The following KCNIP4 variants were observed in gnomAD, a reference collection of about 807,000 sequenced individuals.
KCNIP4 encodes the protein potassium voltage-gated channel interacting protein 4, also known as Kv channel-interacting protein 4.
In KCNIP4, 12 loss-of-function variants were observed where a neutral mutation model predicts 34.0. The observed-to-expected ratio is 0.35, with a 90% CI of 0.23 to 0.57. The LOEUF is 0.57. Ranked by LOEUF, KCNIP4 falls within the 20% of genes least tolerant of loss-of-function variation. The pLI, the probability that KCNIP4 is intolerant of heterozygous loss-of-function variation, is 0.83. For synonymous variants in KCNIP4, 124 were observed against 102.2 expected (o/e 1.21, Z -1.29); for missense variants, 238 against 311.7 (o/e 0.76, Z 1.78).
chr4:21,334,673 G>A (rs573098748), intron 1 of KCNIP4, among the ~76,000 whole-genome samples: 4 of 151,976 alleles, frequency 2.6e-5, no homozygotes, highest in South Asian at 2.1e-4. Context: ...AGTAACAGCC[G>A]TTCACACCCC....
intron 1 of KCNIP4, among the ~76,000 whole-genome samples, chr4:21,050,777 A>G (rs1170391616): frequency 6.6e-6 from 1 of 152,234 alleles, no homozygotes; most frequent in Admixed American, 6.5e-5. Context: ...CATTCTAATT[A>G]GGCAAAACTA....
At chr4:20,840,343 T>C (rs562377657) in intron 3 of KCNIP4, among the ~76,000 whole-genome samples, 1 of 152,286 alleles carries the variant, frequency 6.6e-6, no homozygotes, top group African/African-American at 2.4e-5. Flanking sequence ...TAGCAAATCT[T>C]CAAAACTAGA....
chr4:21,123,687 C>T (rs1266927586), intron 1 of KCNIP4, among the ~76,000 whole-genome samples: 2 of 152,098 alleles, frequency 1.3e-5, no homozygotes, highest in Non-Finnish European at 1.5e-5. Context: ...GAAGCCCTAA[C>T]CCCCAATGTG....
chr4:21,370,281 G>A (rs1495512), intron 1 of KCNIP4, among the ~76,000 whole-genome samples: 32,923 of 146,734 alleles, frequency 0.22, 5,052 homozygotes, highest in Middle Eastern at 0.32. Context: ...AAACTATGTG[G>A]CCCAGTTAGA....
chr4:21,092,374 T>G (rs1203464698), intron 1 of KCNIP4, among the ~76,000 whole-genome samples: 1 of 152,028 alleles, frequency 6.6e-6, no homozygotes, highest in African/African-American at 2.4e-5. Flanking sequence ...CTAAAAGGAA[T>G]AATCCACCAG....
intron 1 of KCNIP4, among the ~76,000 whole-genome samples, chr4:21,664,796 T>C (rs1577791569): frequency 6.6e-6 from 1 of 152,230 alleles, no homozygotes; most frequent in Non-Finnish European, 1.5e-5. Context: ...GACTATTTTT[T>C]AAATGCCTAC....
At chr4:20,826,243 C>T (rs191265229) in intron 3 of KCNIP4, among the ~76,000 whole-genome samples, 4 of 152,046 alleles carry the variant, frequency 2.6e-5, no homozygotes, top group Admixed American at 6.6e-5. Context: ...TATTTATTGG[C>T]TGAGAGGAAG....
intron 1 of KCNIP4, among the ~76,000 whole-genome samples, chr4:21,064,650 A>T (rs1449348000): frequency 6.6e-6 from 1 of 152,192 alleles, no homozygotes; most frequent in East Asian, 1.9e-4. Context: ...ATAGAAGGGA[A>T]ATAAATAAGT....
At chr4:21,414,851 G>C (rs762053453) in intron 1 of KCNIP4, among the ~76,000 whole-genome samples, 37 of 151,764 alleles carry the variant, frequency 2.4e-4, no homozygotes, top group Non-Finnish European at 5.0e-4. Context: ...TATATTTATG[G>C]GGAACATGAG....
At chr4:20,741,855 C>G (rs964568703) in intron 5 of KCNIP4, among the ~76,000 whole-genome samples, 2 of 152,078 alleles carry the variant, frequency 1.3e-5, no homozygotes, top group Non-Finnish European at 2.9e-5. Flanking sequence ...AGAGAAGAAT[C>G]AAATAGATGC....
chr4:21,445,037 G>A (rs1727850979), intron 1 of KCNIP4, among the ~76,000 whole-genome samples: 1 of 152,136 alleles, frequency 6.6e-6, no homozygotes, highest in Admixed American at 6.5e-5. Flanking sequence ...GCTTCAAAGA[G>A]AATAAAATAC....
At chr4:21,315,504 G>A (rs1023313649) in intron 1 of KCNIP4, among the ~76,000 whole-genome samples, 4 of 152,054 alleles carry the variant, frequency 2.6e-5, no homozygotes, top group African/African-American at 9.7e-5. Flanking sequence ...TCAATTTTTG[G>A]ACAGCTAAAA....
intron 1 of KCNIP4, among the ~76,000 whole-genome samples, chr4:21,246,784 A>C (rs540788096): frequency 1.2e-3 from 182 of 152,294 alleles, no homozygotes; most frequent in Non-Finnish European, 2.2e-3. Context: ...GAAAAAGAAA[A>C]ATTAGTTCTT....
chr4:21,353,169 T>C (rs939910306), intron 1 of KCNIP4, among the ~76,000 whole-genome samples: 5 of 152,094 alleles, frequency 3.3e-5, no homozygotes, highest in Non-Finnish European at 1.5e-5. Context: ...CAAAGGTAGA[T>C]AAAACCACAA....
At chr4:21,234,936 C>T (rs576170784) in intron 1 of KCNIP4, among the ~76,000 whole-genome samples, 27 of 151,992 alleles carry the variant, frequency 1.8e-4, no homozygotes, top group Admixed American at 6.6e-5. Context: ...GCATACGCCA[C>T]CACTTCTGGC....
intron 1 of KCNIP4, among the ~76,000 whole-genome samples, chr4:21,900,056 G>A (rs978026643): frequency 6.6e-6 from 1 of 151,940 alleles, no homozygotes; most frequent in Admixed American, 6.6e-5. Flanking sequence ...GGTACTAGCA[G>A]ACACATAGAC....
intron 1 of KCNIP4, among the ~76,000 whole-genome samples, chr4:20,925,359 G>C (rs1729797259): frequency 6.6e-6 from 1 of 152,028 alleles, no homozygotes; most frequent in Non-Finnish European, 1.5e-5. Context: ...CAAGATACAG[G>C]TCGTAAAGAA....
At chr4:21,532,100 G>C (rs569524141) in intron 1 of KCNIP4, among the ~76,000 whole-genome samples, 10 of 152,024 alleles carry the variant, frequency 6.6e-5, no homozygotes, top group South Asian at 4.2e-4. Flanking sequence ...TTTGAGTCTT[G>C]GAACACTTAA....
chr4:21,906,480 T>C (rs1206545749), intron 1 of KCNIP4, among the ~76,000 whole-genome samples: 1 of 152,084 alleles, frequency 6.6e-6, no homozygotes, highest in African/African-American at 2.4e-5. Context: ...AAGGAAGTGT[T>C]CTCCCCCACA....
Sources: allele counts gnomAD v4.1 joint callset (sites outside exome capture counted in the v4.1 genomes callset), GRCh38; gene constraint gnomAD v4.1.1; transcripts MANE v1.5; gene names NCBI Gene and HGNC (gene_info 2026-07-23, HGNC 2026-07-21).